PLAC9: variants seen among roughly 807,000 people sequenced by gnomAD.
The protein encoded by PLAC9 is placenta associated 9.
Under a neutral mutation model 11.5 loss-of-function variants are expected in PLAC9, and 12 were observed. The ratio of observed to expected loss-of-function variants is 1.05; its 90% CI spans 0.67 to 1.69. PLAC9 has a LOEUF of 1.69. PLAC9 is among the 40% of genes most tolerant of loss of function. PLAC9 has a pLI of 0.00. For missense variants in PLAC9, 132 were observed against 130.5 expected, an observed-to-expected ratio of 1.01 and a Z score of -0.06; for synonymous variants, 62 against 58.1, an observed-to-expected ratio of 1.07 and a Z score of -0.31.
chr10:80,144,996 C>T lies in PLAC9; in HGVS notation c.*86C>T. 1 of 1,484,282 alleles carries T rather than the reference C, an allele frequency of 6.7e-7. No individual in the cohort carries two copies. Among genetic ancestry groups the T allele is most frequent in the Non-Finnish European group, 9.2e-7 (1 of 1,085,332 alleles). 91.9% of individuals were successfully genotyped at this position (1,484,282 alleles called of 1,614,324 possible). A position where few individuals can be genotyped will look rare whatever the true frequency, so the allele number is the denominator to read the frequency against. On this transcript the variant is annotated 3_prime_UTR_variant, in exon 4 of 4. Coordinates refer to ENST00000372263, the MANE Select transcript of PLAC9 (RefSeq NM_001012973.3). ...CCAGCCCTGTCCTCTCGACTTCCTTCCTTAGCTTCATGTGAAATAAAAGCT... is the reference window on the plus strand; with the variant it reads ...CCAGCCCTGTCCTCTCGACTTCCTTTCTTAGCTTCATGTGAAATAAAAGCT...
At chr10:80,132,216 T>A (rs908093660), upstream of PLAC9, among the ~76,000 whole-genome samples, 4 of 152,340 alleles carry the variant, frequency 2.6e-5, no homozygotes, top group African/African-American at 7.2e-5. Flanking sequence ...AGCAGTGAGT[T>A]TCTGGGTCTC....
At position 80,144,032 on chromosome 10, in the gene PLAC9, T is replaced by G. The variant is rs1361965648; in HGVS notation, c.163-191T>G. On this transcript the variant is annotated intron_variant, in intron 2 of 3. Transcript: ENST00000372263. ...AAGGAGCCTTAGAGAGCAAGCCCCCTAGGATATTGTCATCTGGGGAAACTG... is the reference window on the plus strand; with the variant it reads ...AAGGAGCCTTAGAGAGCAAGCCCCCGAGGATATTGTCATCTGGGGAAACTG... 4 of 706,220 alleles carry G rather than the reference T, an allele frequency of 5.7e-6. No homozygotes were observed. The Admixed American group carries it at 1.0e-4, about 18-fold the overall frequency. 43.7% of individuals were successfully genotyped at this position (706,220 alleles called of 1,614,324 possible).
intron 2 of PLAC9, chr10:80,143,971 C>T (rs567348464): frequency 1.9e-6 from 1 of 513,716 alleles, no homozygotes; most frequent in Non-Finnish European, 3.5e-6. Flanking sequence ...ATTCTACAGG[C>T]GCTTCATCCA....
chr10:80,142,245 C>A lies in PLAC9; in HGVS notation c.162+66C>A, dbSNP rs149483922. The stretch of plus-strand genomic sequence containing the variant: ...CCTTCTAGGATGGTGTTTTTATGGG[C>A]AGATGCAAGCTTGCTTTGGAATGTG... On this transcript the variant is annotated intron_variant, in intron 2 of 3. Coordinates refer to ENST00000372263, the MANE Select transcript of PLAC9 (RefSeq NM_001012973.3). 29 of 1,319,956 alleles carry A rather than the reference C, an allele frequency of 2.2e-5. No homozygotes were observed. In the East Asian group the frequency reaches 7.1e-4, roughly 32 times the overall value. 81.8% of individuals were successfully genotyped at this position (1,319,956 alleles called of 1,614,324 possible). A position where few individuals can be genotyped will look rare whatever the true frequency, so the allele number is the denominator to read the frequency against.
upstream of PLAC9, chr10:80,132,688 C>T: frequency 1.5e-6 from 2 of 1,298,722 alleles, no homozygotes; most frequent in Non-Finnish European, 2.0e-6. Flanking sequence ...TGCATTTCCT[C>T]TCGGGCCGGC....
intron 1 of PLAC9, among the ~76,000 whole-genome samples, chr10:80,136,974 T>C (rs1214170576): frequency 1.3e-5 from 2 of 152,178 alleles, no homozygotes; most frequent in African/African-American, 4.8e-5. Context: ...AATCCCACAA[T>C]CATTAGTGGC....
At chr10:80,140,054 T>C (rs117377494) in intron 1 of PLAC9, among the ~76,000 whole-genome samples, 2,467 of 152,264 alleles carry the variant, frequency 0.016, 40 homozygotes, top group Non-Finnish European at 0.024. Flanking sequence ...AGTTAGATGG[T>C]TTGCCTTTGC....
At chr10:80,132,249 C>T (rs548498628), upstream of PLAC9, among the ~76,000 whole-genome samples, 10 of 152,282 alleles carry the variant, frequency 6.6e-5, no homozygotes, top group South Asian at 1.7e-3. Flanking sequence ...AGACACTGTT[C>T]CATGTAATTA....
intron 1 of PLAC9, 128 bp downstream of exon 1, chr10:80,132,954 C>G (rs1844930323): frequency 4.1e-6 from 3 of 730,278 alleles, no homozygotes; most frequent in Non-Finnish European, 6.0e-6. Flanking sequence ...GAGGCAGATG[C>G]AGGGAGGGAG....
At chr10:80,132,897 G>A in intron 1 of PLAC9, 71 bp downstream of exon 1, 1 of 1,329,012 alleles carries the variant, frequency 7.5e-7, no homozygotes. Flanking sequence ...GAAGGAATGA[G>A]CGAGAGAGAC....
At chr10:80,141,985 T>C (rs138004474) in intron 1 of PLAC9, 97 bp from the exon 2 acceptor site, 403 of 940,718 alleles carry the variant, frequency 4.3e-4, no homozygotes, top group Admixed American at 6.8e-4. Flanking sequence ...CTGAGTTTGC[T>C]TTGAGGACTG....
intron 1 of PLAC9, among the ~76,000 whole-genome samples, chr10:80,140,923 C>T (rs1845032729): frequency 6.6e-6 from 1 of 152,184 alleles, no homozygotes; most frequent in South Asian, 2.1e-4. Context: ...TGGCCCTCTT[C>T]TTGGCCTCAT....
chr10:80,133,943 C>CAAAAA lies in PLAC9; in HGVS notation c.64+1129_64+1133dup, dbSNP rs61127711. Among the ~76,000 whole-genome samples the CAAAAA allele has an allele frequency of 8.6e-4, 93 of 107,718 alleles. 1 individual carries two copies. The highest frequency in any genetic ancestry group is 2.2e-3 in the African/African-American group (57 of 25,408). 70.7% of individuals were successfully genotyped at this position (107,718 alleles called of 152,430 possible). The stretch of plus-strand genomic sequence containing the variant: ...TGGGTGACAGAGCAAGACTCAGTTT[C>CAAAAA]AAAAAAAAAAAAAAAAGAAGAAGGA... On this transcript the variant is annotated intron_variant, in intron 1 of 3. Transcript: ENST00000372263.
chr10:80,145,311 C>A lies in PLAC9; in HGVS notation c.*401C>A. On this transcript the variant is annotated 3_prime_UTR_variant, in exon 4 of 4. Coordinates refer to ENST00000372263, the MANE Select transcript of PLAC9 (RefSeq NM_001012973.3). ...CCAAATCTGCATTGCAATGAGACCCCCAGGGATTTTATGTGTCCATTAAAG... is the reference window on the plus strand; with the variant it reads ...CCAAATCTGCATTGCAATGAGACCCACAGGGATTTTATGTGTCCATTAAAG... 1.9e-5 allele frequency: 6 copies of A among 308,666 alleles called. No individual in the cohort carries two copies. Among genetic ancestry groups the A allele is most frequent in the South Asian group, 4.1e-5 (1 of 24,416 alleles). 19.1% of individuals were successfully genotyped at this position (308,666 alleles called of 1,614,324 possible). A position where few individuals can be genotyped will look rare whatever the true frequency, so the allele number is the denominator to read the frequency against.
At chr10:80,138,308 A>G (rs1359095868) in intron 1 of PLAC9, among the ~76,000 whole-genome samples, 1 of 152,212 alleles carries the variant, frequency 6.6e-6, no homozygotes, top group African/African-American at 2.4e-5. Flanking sequence ...CCAAGACAGC[A>G]CAGCCTTTCA....
chr10:80,135,500 A>AT (rs925767495), intron 1 of PLAC9, among the ~76,000 whole-genome samples: 1 of 151,006 alleles, frequency 6.6e-6, no homozygotes, highest in African/African-American at 2.4e-5. Flanking sequence ...TAATTTTTGC[A>AT]TTTTTTAGTA....
At chr10:80,135,014 G>GTTTATTTATTTATTTA (rs56271386) in intron 1 of PLAC9, among the ~76,000 whole-genome samples, 118 of 149,470 alleles carry the variant, frequency 7.9e-4, no homozygotes, top group African/African-American at 2.6e-3. Flanking sequence ...TTGTTTGTTT[G>GTTTATTTATTTATTTA]TTTATTTATT....
At chr10:80,135,990 C>T (rs1844971137) in intron 1 of PLAC9, among the ~76,000 whole-genome samples, 1 of 152,194 alleles carries the variant, frequency 6.6e-6, no homozygotes, top group Non-Finnish European at 1.5e-5. Flanking sequence ...TTTCTCAACC[C>T]CCAGCATGCA....
At chr10:80,134,256 TC>T (rs1844948229) in intron 1 of PLAC9, among the ~76,000 whole-genome samples, 1 of 145,404 alleles carries the variant, frequency 6.9e-6, no homozygotes, top group Non-Finnish European at 1.5e-5. Context: ...TTTCTTTCTT[TC>T]TTTCTTTCTT....
Sources: allele counts gnomAD v4.1 joint callset (sites outside exome capture counted in the v4.1 genomes callset), GRCh38; gene constraint gnomAD v4.1.1; transcripts MANE v1.5; gene names NCBI Gene and HGNC (gene_info 2026-07-23, HGNC 2026-07-21).